CTBP2: variants seen among roughly 807,000 people sequenced by gnomAD.
CTBP2 encodes C-terminal-binding protein 2.
Under a neutral mutation model 80.3 loss-of-function variants are expected in CTBP2, and 30 were observed. That is an observed-to-expected ratio of 0.37 (90% CI 0.28 to 0.51). The LOEUF is 0.51. Ranked by LOEUF, CTBP2 falls within the 20% of genes least tolerant of loss-of-function variation. The pLI, the probability that CTBP2 is intolerant of heterozygous loss-of-function variation, is 0.93. For synonymous variants in CTBP2, 594 were observed against 587.4 expected, an observed-to-expected ratio of 1.01 and a Z score of -0.16; for missense variants, 1,212 against 1,375.3, an observed-to-expected ratio of 0.88 and a Z score of 1.88.
At chr10:125,046,437 C>G (rs980191219) in intron 2 of CTBP2, among the ~76,000 whole-genome samples, 1 of 149,476 alleles carries the variant, frequency 6.7e-6, no homozygotes, top group Admixed American at 6.8e-5. Flanking sequence ...ACTGGGGAGG[C>G]TGAGGCATGA....
intron 2 of CTBP2, among the ~76,000 whole-genome samples, chr10:125,104,912 T>C (rs1851221367): frequency 6.6e-6 from 1 of 152,196 alleles, no homozygotes; most frequent in African/African-American, 2.4e-5. Flanking sequence ...CTTTCTCCCC[T>C]TCTCCCGCCC....
At chr10:125,136,644 C>T (rs1857014174) in intron 1 of CTBP2, among the ~76,000 whole-genome samples, 1 of 152,304 alleles carries the variant, frequency 6.6e-6, no homozygotes, top group Admixed American at 6.5e-5. Context: ...TCCAAGCCTC[C>T]CTACTTAGGC....
At chr10:124,996,022 T>A (rs915276431) in intron 4 of CTBP2, 3 of 151,260 alleles carry the variant, frequency 2.0e-5, no homozygotes, top group African/African-American at 7.3e-5. Flanking sequence ...AGCCCAGATT[T>A]GAACCGTGCC....
At chr10:125,090,344 A>ATGCAAAG (rs138248338) in intron 2 of CTBP2, among the ~76,000 whole-genome samples, 5,485 of 150,028 alleles carry the variant, frequency 0.037, 396 homozygotes, top group African/African-American at 0.13. Context: ...AAACAGTGAA[A>ATGCAAAG]TGCAAAGAAT....
At position 125,003,495 on chromosome 10, in the gene CTBP2, G is replaced by A; in HGVS notation, c.1679-3C>T. 6.4e-7 allele frequency: 1 copy of A among 1,556,450 alleles called. No homozygotes were observed. The highest frequency in any genetic ancestry group is 8.7e-7 in the Non-Finnish European group (1 of 1,155,318). On this transcript the variant is annotated splice_region_variant and splice_polypyrimidine_tract_variant and intron_variant, in intron 1 of 8. Transcript: ENST00000309035. ...GTTCATGATCTGGGGGCGGATACCT[G>A]CCAGGAGGGAAGGGGTGAGCACAGT...
At chr10:125,008,320 C>T (rs548575758) in intron 1 of CTBP2, among the ~76,000 whole-genome samples, 17 of 152,304 alleles carry the variant, frequency 1.1e-4, no homozygotes, top group South Asian at 2.1e-4. Context: ...CTCAAGACAC[C>T]AGTGCCTGAG....
upstream of CTBP2, chr10:125,161,313 A>C (rs1861876621): frequency 6.6e-6 from 1 of 151,776 alleles, no homozygotes; most frequent in South Asian, 2.1e-4. Flanking sequence ...GCAGGGGCCG[A>C]GGTCCTGTCG....
At chr10:125,110,286 G>C (rs961539808) in intron 2 of CTBP2, among the ~76,000 whole-genome samples, 1 of 152,210 alleles carries the variant, frequency 6.6e-6, no homozygotes, top group Non-Finnish European at 1.5e-5. Context: ...AATTCCATCA[G>C]AGAAGTTGCC....
intron 1 of CTBP2, chr10:125,026,069 G>T: frequency 6.5e-7 from 1 of 1,547,794 alleles, no homozygotes; most frequent in Non-Finnish European, 8.8e-7. Flanking sequence ...GGCAGGCGGG[G>T]AGGATGTATT....
At chr10:125,015,858 C>A (rs925352562) in intron 1 of CTBP2, among the ~76,000 whole-genome samples, 1 of 152,238 alleles carries the variant, frequency 6.6e-6, no homozygotes, top group Non-Finnish European at 1.5e-5. Context: ...CACTCGCCGG[C>A]CGCACAAGAG....
At chr10:125,017,634 A>G (rs796864162) in intron 1 of CTBP2, among the ~76,000 whole-genome samples, 3 of 152,272 alleles carry the variant, frequency 2.0e-5, no homozygotes, top group South Asian at 2.1e-4. Context: ...TTAATCACAC[A>G]AAAGAATGGC....
intron 2 of CTBP2, among the ~76,000 whole-genome samples, chr10:125,068,171 C>T (rs1184751299): frequency 2.0e-5 from 3 of 152,196 alleles, no homozygotes; most frequent in Admixed American, 6.5e-5. Flanking sequence ...GGAAGCTTCA[C>T]AGCTGCACCA....
chr10:125,060,776 C>T (rs531462101), intron 2 of CTBP2, among the ~76,000 whole-genome samples: 13 of 152,204 alleles, frequency 8.5e-5, no homozygotes, highest in Non-Finnish European at 1.8e-4. Flanking sequence ...ATAAGAAGCA[C>T]ACGGGCAGGC....
intron 2 of CTBP2, among the ~76,000 whole-genome samples, chr10:125,067,050 C>T (rs182075545): frequency 6.6e-6 from 1 of 152,206 alleles, no homozygotes; most frequent in South Asian, 2.1e-4. Flanking sequence ...CCACGTCCAC[C>T]TGCTATGTGG....
chr10:125,114,211 C>T (rs1462396639), intron 1 of CTBP2, among the ~76,000 whole-genome samples: 4 of 152,180 alleles, frequency 2.6e-5, no homozygotes, highest in African/African-American at 9.7e-5. Context: ...GTGGCCTCAG[C>T]GTGTAACTGC....
intron 2 of CTBP2, among the ~76,000 whole-genome samples, chr10:125,048,731 C>T (rs762562185): frequency 1.3e-5 from 2 of 152,174 alleles, no homozygotes; most frequent in Non-Finnish European, 2.9e-5. Context: ...AACAACTTGG[C>T]AGAGACGGAA....
At chr10:125,071,231 A>G (rs11818271) in intron 2 of CTBP2, among the ~76,000 whole-genome samples, 16,790 of 152,250 alleles carry the variant, frequency 0.11, 1,112 homozygotes, top group African/African-American at 0.18. Flanking sequence ...CTGGGAAGGG[A>G]AGGAGCATTT....
At chr10:125,060,452 C>G (rs1964731112) in intron 2 of CTBP2, among the ~76,000 whole-genome samples, 1 of 148,308 alleles carries the variant, frequency 6.7e-6, no homozygotes, top group African/African-American at 2.5e-5. Flanking sequence ...CATGATATTC[C>G]ATTCCCCCCA....
In CTBP2 at chr10:124,993,747, T is replaced by G. The variant is rs111767090; in HGVS notation, c.2531+108A>C. 1.5e-5 allele frequency: 20 copies of G among 1,350,074 alleles called. No individual in the cohort carries two copies. The African/African-American group carries it at 2.0e-4, about 14-fold the overall frequency. The allele number at this position is 1,350,074 out of a possible 1,614,324, so 83.6% of individuals were successfully genotyped here. On this transcript the variant is annotated intron_variant, in intron 6 of 8. Coordinates refer to ENST00000309035, the MANE Select transcript of CTBP2 (RefSeq NM_022802.3). ...GACTGTAAATGTCATCTCTGGAGTTTCCTGCCCAGGGACCTGTTTGGGAAA... is the reference window on the plus strand; with the variant it reads ...GACTGTAAATGTCATCTCTGGAGTTGCCTGCCCAGGGACCTGTTTGGGAAA...
Sources: gnomAD v4.1 joint callset for allele counts (sites outside exome capture counted in the v4.1 genomes callset) on GRCh38, gnomAD v4.1.1 for gene constraint, MANE v1.5 for transcripts, NCBI Gene and HGNC (gene_info 2026-07-23, HGNC 2026-07-21) for gene names.